Variants in KLHL29 observed in about 807,000 individuals in gnomAD.
KLHL29 encodes the protein kelch-like protein 29.
Under a neutral mutation model 80.4 loss-of-function variants are expected in KLHL29, and 21 were observed. That is an observed-to-expected ratio of 0.26 (90% confidence interval 0.19 to 0.38). The LOEUF (loss-of-function observed/expected upper bound fraction) is 0.38, where lower values mean the gene tolerates loss of function less well. KLHL29 is among the 10% of genes least tolerant of loss of function. The pLI is 1.00. For synonymous variants in KLHL29, 511 were observed against 526.8 expected, an observed-to-expected ratio of 0.97 and a Z score of 0.41; for missense variants, 867 against 1,223.9, an observed-to-expected ratio of 0.71 and a Z score of 4.35.
rs978421990 is a variant in KLHL29 at position 23,681,667 on chromosome 2, A to G, written c.941-2732A>G. On this transcript the variant is annotated intron_variant, in intron 5 of 13. Transcript: ENST00000486442. The surrounding 1 kb of genome is among the most constrained non-coding windows in gnomAD (Gnocchi z 4.2). Reference sequence around the variant, plus strand: ...TGTGCTAGAGGAAACAGAGGCCCAGAAAGCTGGGGTGCTGGCCCAGGGTCA... The same window carrying G: ...TGTGCTAGAGGAAACAGAGGCCCAGGAAGCTGGGGTGCTGGCCCAGGGTCA... Among the ~76,000 whole-genome samples, 6 of 152,136 alleles carry G rather than the reference A, an allele frequency of 3.9e-5. No individual in the cohort carries two copies. Among genetic ancestry groups the G allele is most frequent in the African/African-American group, 1.4e-4 (6 of 41,412 alleles).
chr2:23,513,625 G>T (rs577925194), intron 2 of KLHL29, among the ~76,000 whole-genome samples: 1 of 152,334 alleles, frequency 6.6e-6, no homozygotes, highest in South Asian at 2.1e-4. Context: ...ACCGCTTGAC[G>T]TGATAATCCA....
intron 3 of KLHL29, among the ~76,000 whole-genome samples, chr2:23,584,568 C>T (rs976299607): frequency 1.4e-4 from 21 of 152,196 alleles, no homozygotes; most frequent in African/African-American, 4.8e-4. Flanking sequence ...CCCTCCAAGC[C>T]TTTGGCGACA....
At chr2:23,489,570 C>T (rs562263089) in intron 2 of KLHL29, among the ~76,000 whole-genome samples, 24 of 152,166 alleles carry the variant, frequency 1.6e-4, no homozygotes, top group Non-Finnish European at 2.5e-4. Context: ...CAGAAACCTG[C>T]GCTATTGAAT....
chr2:23,706,385 A>G, intron 13 of KLHL29, 96 bp from the exon 14 acceptor site: 1 of 971,236 alleles, frequency 1.0e-6, no homozygotes, highest in East Asian at 3.2e-5. Flanking sequence ...TGCAAAAGGC[A>G]CAGGCAGCCT....
chr2:23,574,440 G>A (rs1322836052), intron 3 of KLHL29, among the ~76,000 whole-genome samples: 2 of 152,176 alleles, frequency 1.3e-5, no homozygotes, highest in East Asian at 1.9e-4. Context: ...TCACCGGGCT[G>A]TTGTGGGGTC....
chr2:23,478,737 C>A (rs1175136635), intron 2 of KLHL29, among the ~76,000 whole-genome samples: 1 of 152,136 alleles, frequency 6.6e-6, no homozygotes, highest in Non-Finnish European at 1.5e-5. Flanking sequence ...GGCAGCATCC[C>A]CTGCCTCCAT....
At chr2:23,650,002 C>A (rs1308122646) in intron 5 of KLHL29, among the ~76,000 whole-genome samples, 1 of 152,234 alleles carries the variant, frequency 6.6e-6, no homozygotes, top group Non-Finnish European at 1.5e-5. Context: ...TCTTAGGCAC[C>A]TCCTGTGCAC....
chr2:23,555,580 C>T (rs564888050), intron 2 of KLHL29, among the ~76,000 whole-genome samples: 2 of 152,176 alleles, frequency 1.3e-5, no homozygotes, highest in African/African-American at 2.4e-5. Flanking sequence ...TCCCGAGGAA[C>T]GGGCAGCCTG....
intron 3 of KLHL29, among the ~76,000 whole-genome samples, chr2:23,580,348 G>C (rs1416038448): frequency 4.1e-5 from 6 of 146,008 alleles, no homozygotes; most frequent in Non-Finnish European, 6.0e-5. Context: ...CTCCAGCCTG[G>C]GTGACAGAGT....
At chr2:23,613,183 CAGAG>C (rs1332945143) in intron 3 of KLHL29, among the ~76,000 whole-genome samples, 1 of 152,160 alleles carries the variant, frequency 6.6e-6, no homozygotes, top group Non-Finnish European at 1.5e-5. Flanking sequence ...AAGTGAGACA[CAGAG>C]AGCATTAGCA....
At position 23,627,500 on chromosome 2, in the gene KLHL29, C is replaced by T. The variant is rs76951704; in HGVS notation, c.286-11639C>T. Among the ~76,000 whole-genome samples the T allele has an allele frequency of 5.1e-3, 783 of 152,236 alleles. 8 individuals carry two copies. The highest frequency in any genetic ancestry group is 0.018 in the African/African-American group (762 of 41,538). On this transcript the variant is annotated intron_variant, in intron 3 of 13. Transcript: ENST00000486442. ...CCATACCATTCAGAATCTAGGCTAC[C>T]GTCCTGAGACCCACACTCAGGCGCT...
At chr2:23,436,942 G>A (rs1248172819) in intron 1 of KLHL29, among the ~76,000 whole-genome samples, 1 of 152,204 alleles carries the variant, frequency 6.6e-6, no homozygotes, top group Non-Finnish European at 1.5e-5. Context: ...ATGATTTTAA[G>A]CATATTTTCC....
intron 6 of KLHL29, 51 bp from the exon 7 acceptor site, chr2:23,691,623 G>A (rs1026025552): frequency 1.5e-5 from 23 of 1,486,542 alleles, no homozygotes; most frequent in Non-Finnish European, 2.0e-5. Flanking sequence ...TGAGGAAGCG[G>A]CACGGTGGCC....
At chr2:23,642,972 A>G in intron 5 of KLHL29, 122 bp downstream of exon 5, 8 of 1,169,834 alleles carry the variant, frequency 6.8e-6, no homozygotes, top group Non-Finnish European at 1.0e-5. Flanking sequence ...TCCCCAACCC[A>G]GAGGCTGCAG....
At chr2:23,619,820 A>G (rs605750) in intron 3 of KLHL29, among the ~76,000 whole-genome samples, 37,011 of 152,054 alleles carry the variant, frequency 0.24, 4,754 homozygotes, top group Middle Eastern at 0.4. Context: ...CCTAGTTCAC[A>G]CTCCCAACTT....
rs536765439 is a variant in KLHL29 at position 23,600,545 on chromosome 2, C to G, written c.285+38064C>G. 5.3e-5 allele frequency among the ~76,000 whole-genome samples: 8 copies of G among 152,314 alleles called. No individual in the cohort carries two copies. The South Asian group carries it at 1.7e-3, about 32-fold the overall frequency. On this transcript the variant is annotated intron_variant, in intron 3 of 13. Transcript: ENST00000486442. ...ATTCTAGGTTGAACATCACGCCTGT[C>G]TGGCAGGGCTCCCGGGCTTTCCTGC... is the stretch of plus-strand genomic sequence containing the variant.
intron 2 of KLHL29, among the ~76,000 whole-genome samples, chr2:23,553,358 A>G (rs140081721): frequency 0.028 from 4,254 of 152,340 alleles, 76 homozygotes; most frequent in Non-Finnish European, 0.044. Context: ...AAAAGGAGCT[A>G]AAAATAAATC....
At chr2:23,616,438 G>T (rs972957616) in intron 3 of KLHL29, 4 of 152,164 alleles carry the variant, frequency 2.6e-5, no homozygotes, top group Admixed American at 2.0e-4. Context: ...CATTTACCAA[G>T]TCTCTAAATG....
intron 2 of KLHL29, among the ~76,000 whole-genome samples, chr2:23,558,714 T>A (rs1369497813): frequency 6.6e-6 from 1 of 152,254 alleles, no homozygotes; most frequent in Non-Finnish European, 1.5e-5. Flanking sequence ...TAAGGTAGGA[T>A]GTTTTCTTAC....
Sources: allele counts gnomAD v4.1 joint callset (sites outside exome capture counted in the v4.1 genomes callset), GRCh38; gene constraint gnomAD v4.1.1; non-coding constraint Gnocchi (gnomAD v3.1); transcripts MANE v1.5; gene names NCBI Gene and HGNC (gene_info 2026-07-23, HGNC 2026-07-21).